The following NR2E1 variants were observed in gnomAD, a reference collection of about 807,000 sequenced individuals.
NR2E1 encodes nuclear receptor subfamily 2 group E member 1.
NR2E1 carries 5 observed loss-of-function variants against 43.6 expected under a neutral mutation model. The observed-to-expected ratio is 0.11, with a 90% CI of 0.06 to 0.24. The LOEUF (loss-of-function observed/expected upper bound fraction) is 0.24, where lower values mean the gene tolerates loss of function less well. NR2E1 is among the 10% of genes least tolerant of loss of function. The probability of loss-of-function intolerance (pLI) is 1.00; values close to 1 mark genes in which losing one functional copy is unlikely to be tolerated. For missense variants in NR2E1, 287 were observed against 496.7 expected (o/e 0.58, Z 4.01); for synonymous variants, 191 against 195.5 (o/e 0.98, Z 0.19).
chr6:108,166,928 C>T lies in NR2E1; in HGVS notation c.25+138C>T. ...ATTCCAGCGGGCGTGTGCGTTCGGC[C>T]CAGACCTGTAGACCGTGAGTTGGAG... On this transcript the variant is annotated intron_variant, in intron 1 of 8. Coordinates refer to ENST00000368986, the MANE Select transcript of NR2E1 (RefSeq NM_003269.5). This position sits in a 1 kb window ranked among gnomAD's most constrained non-coding sequence, Gnocchi z 7.2. The T allele has an allele frequency of 1.1e-6, 1 of 934,266 alleles. No homozygotes were observed. Among genetic ancestry groups the T allele is most frequent in the Non-Finnish European group, 1.7e-6 (1 of 602,720 alleles). 57.9% of individuals were successfully genotyped at this position (934,266 alleles called of 1,614,324 possible). A position where few individuals can be genotyped will look rare whatever the true frequency, so the allele number is the denominator to read the frequency against.
rs187895357 is a variant in NR2E1, at chr6:108,180,306, C to T, written c.643-17C>T. The T allele has an allele frequency of 2.1e-6, 3 of 1,444,492 alleles. No individual in the cohort carries two copies. Among genetic ancestry groups the T allele is most frequent in the South Asian group, 1.1e-5 (1 of 87,546 alleles). 89.5% of individuals were successfully genotyped at this position (1,444,492 alleles called of 1,614,324 possible). ...AAATTACACACTATATTATATTATA[C>T]ATCTATTGTATGACAGCTGATGCTT... On this transcript the variant is annotated splice_polypyrimidine_tract_variant and intron_variant, in intron 5 of 8. Coordinates refer to ENST00000368986, the MANE Select transcript of NR2E1 (RefSeq NM_003269.5). The surrounding 1 kb of genome is among the most constrained non-coding windows in gnomAD (Gnocchi z 5.4).
Position 108,181,627 on chromosome 6 carries a change from C to G in NR2E1, c.971C>G (p.Thr324Arg). 1 of 1,614,160 alleles carries G rather than the reference C, an allele frequency of 6.2e-7. No individual in the cohort carries two copies. Among genetic ancestry groups the G allele is most frequent in the South Asian group, 1.1e-5 (1 of 91,082 alleles). The change falls in exon 8 of 9, where the codon ACG becomes AGG. Residue 324 changes from threonine (T) to arginine (R), a missense_variant. Thr to Arg is a moderately conservative substitution (Grantham distance 71). Transcript: ENST00000368986. The part of the protein sequence containing the change: ...IAALQDEAQL[T>R]LNSYIHTRYP... ...GCCCTTCAAGATGAGGCTCAGCTAA[C>G]GCTCAACAGCTACATCCATACCAGG...
intron 1 of NR2E1, 135 bp from the exon 2 acceptor site, chr6:108,171,323 C>T (rs1582442156): frequency 4.2e-6 from 4 of 963,342 alleles, no homozygotes; most frequent in East Asian, 4.8e-5. Context: ...TTGCTTTTAC[C>T]GCAGCTTCGG....
chr6:108,177,517 G>T (rs1773919454), intron 4 of NR2E1, among the ~76,000 whole-genome samples: 1 of 152,178 alleles, frequency 6.6e-6, no homozygotes, highest in Non-Finnish European at 1.5e-5. Context: ...CAGACACCTG[G>T]GCACATGCAC....
chr6:108,166,921 G>A lies in NR2E1; in HGVS notation c.25+131G>A. ...GAGAGGGATTCCAGCGGGCGTGTGC[G>A]TTCGGCCCAGACCTGTAGACCGTGA... is the stretch of plus-strand genomic sequence containing the variant. On this transcript the variant is annotated intron_variant, in intron 1 of 8. Transcript: ENST00000368986. The surrounding 1 kb of genome is among the most constrained non-coding windows in gnomAD (Gnocchi z 7.2). 1.0e-6 allele frequency: 1 copy of A among 971,326 alleles called. No homozygotes were observed. The highest frequency in any genetic ancestry group is 1.6e-6 in the Non-Finnish European group (1 of 635,102). The allele number at this position is 971,326 out of a possible 1,614,324, so 60.2% of individuals were successfully genotyped here.
chr6:108,176,550 G>A lies in NR2E1; in HGVS notation c.307G>A (p.Val103Met). Residue 103 changes from valine (V) to methionine (M), a missense_variant, in exon 4 of 9, where the codon GTG (valine) becomes ATG (methionine). Coordinates refer to ENST00000368986, the MANE Select transcript of NR2E1 (RefSeq NM_003269.5). ...TCGGACGTCCACCATCCGCAAGCAA[G>A]TGGCCCTCTACTTCCGTGGACACAA... ...GPRTSTIRKQ[V>M]ALYFRGHKEE... is the part of the protein sequence containing the mutation. 2 of 1,613,252 alleles carry A rather than the reference G, an allele frequency of 1.2e-6. No individual in the cohort carries two copies. Among genetic ancestry groups the A allele is most frequent in the African/African-American group, 1.3e-5 (1 of 75,078 alleles).
chr6:108,177,118 G>A (rs947332059), intron 4 of NR2E1, among the ~76,000 whole-genome samples: 1 of 152,210 alleles, frequency 6.6e-6, no homozygotes, highest in Non-Finnish European at 1.5e-5. Context: ...CTAAAGACCA[G>A]AAGAACCAAC....
In NR2E1 at chr6:108,180,580, G is replaced by A. The variant is rs1302263777; in HGVS notation, c.739+161G>A. Among the ~76,000 whole-genome samples, 2 of 152,102 alleles carry A rather than the reference G, an allele frequency of 1.3e-5. No individual in the cohort carries two copies. Among genetic ancestry groups the A allele is most frequent in the African/African-American group, 4.8e-5 (2 of 41,394 alleles). On this transcript the variant is annotated intron_variant, in intron 6 of 8. Transcript: ENST00000368986. This position sits in a 1 kb window ranked among gnomAD's most constrained non-coding sequence, Gnocchi z 5.4. ...TAAATGCAAATAATGTTGTTTTGTT[G>A]TATTCATGACTGCTTGCATTGTTAT...
Position 108,176,561 on chromosome 6 carries a change from C to T in NR2E1, c.318C>T (p.Tyr106=), listed in dbSNP as rs759582254. 12 of 1,613,206 alleles carry T rather than the reference C, an allele frequency of 7.4e-6. No homozygotes were observed. In the East Asian group the frequency reaches 2.7e-4, roughly 36 times the overall value. Residue 106 remains tyrosine (Y), a synonymous_variant, in exon 4 of 9, where the codon TAC becomes TAT. Coordinates refer to ENST00000368986, the MANE Select transcript of NR2E1 (RefSeq NM_003269.5). ...CCATCCGCAAGCAAGTGGCCCTCTA[C>T]TTCCGTGGACACAAGGAGGAGAACG... ...TSTIRKQVAL[Y]FRGHKEENGA... is the part of the protein sequence containing the mutation.
intron 1 of NR2E1, among the ~76,000 whole-genome samples, chr6:108,170,833 C>T (rs1021901709): frequency 6.6e-6 from 1 of 152,202 alleles, no homozygotes; most frequent in African/African-American, 2.4e-5. Context: ...GAAATAATTT[C>T]TCTAAAGCGA....
chr6:108,176,235 C>G (rs1457378976), intron 3 of NR2E1: 2 of 566,460 alleles, frequency 3.5e-6, no homozygotes, highest in Non-Finnish European at 6.3e-6. Context: ...GAGAACACAC[C>G]TGGTCTTACT....
chr6:108,173,625 C>G (rs920143762), intron 2 of NR2E1, among the ~76,000 whole-genome samples: 1 of 152,184 alleles, frequency 6.6e-6, no homozygotes, highest in African/African-American at 2.4e-5. Flanking sequence ...AACATACTTA[C>G]TCCAACTCCA....
chr6:108,176,624 G>A lies in NR2E1; in HGVS notation c.381G>A (p.Ala127=), dbSNP rs780893199. The change falls in exon 4 of 9, where the codon GCG becomes GCA. Residue 127 remains alanine, a synonymous_variant. Coordinates refer to ENST00000368986, the MANE Select transcript of NR2E1 (RefSeq NM_003269.5). The part of the protein sequence containing the change: ...AAHFPSAALP[A]PAFFTAVTQL... ...ACTTTCCCTCGGCGGCGCTCCCTGC[G>A]CCGGCCTTCTTCACCGCGGTCACGC... 2.5e-6 allele frequency: 4 copies of A among 1,611,278 alleles called. No homozygotes were observed. In the South Asian group the frequency reaches 3.3e-5, roughly 13 times the overall value.
At chr6:108,182,563 T>TC (rs1404177189) in intron 8 of NR2E1, among the ~76,000 whole-genome samples, 1 of 149,514 alleles carries the variant, frequency 6.7e-6, no homozygotes, top group East Asian at 2.0e-4. Flanking sequence ...TAATTTTTTT[T>TC]TTTTTTTTTT....
chr6:108,176,415 C>A, intron 3 of NR2E1, 88 bp from the exon 4 acceptor site: 1 of 1,359,944 alleles, frequency 7.4e-7, no homozygotes. Context: ...CCAGACTTGA[C>A]ATTGGGGCGG....
intron 7 of NR2E1, among the ~76,000 whole-genome samples, chr6:108,181,177 T>C (rs1773979548): frequency 6.6e-6 from 1 of 152,104 alleles, no homozygotes; most frequent in Admixed American, 6.6e-5. Flanking sequence ...ATTTCTTTTT[T>C]TCTTTCTTTT....
rs574708385 is a variant in NR2E1 at position 108,187,681 on chromosome 6, G to T, written c.*218G>T. 6 of 534,686 alleles carry T rather than the reference G, an allele frequency of 1.1e-5. No homozygotes were observed. The highest frequency in any genetic ancestry group is 3.0e-5 in the Admixed American group (1 of 33,024). The allele number at this position is 534,686 out of a possible 1,614,324, so 33.1% of individuals were successfully genotyped here. A position where few individuals can be genotyped will look rare whatever the true frequency, so the allele number is the denominator to read the frequency against. On this transcript the variant is annotated 3_prime_UTR_variant, in exon 9 of 9. Transcript: ENST00000368986. ...GGAAGGAGAGGGGTGCAACAGGACCGCCTGCACTGAAAACTCACTGCTGCC... is the reference window on the plus strand; with the variant it reads ...GGAAGGAGAGGGGTGCAACAGGACCTCCTGCACTGAAAACTCACTGCTGCC...
At chr6:108,183,748 G>A (rs1774030594) in intron 8 of NR2E1, among the ~76,000 whole-genome samples, 1 of 152,170 alleles carries the variant, frequency 6.6e-6, no homozygotes, top group Non-Finnish European at 1.5e-5. Context: ...CTGAAACTAT[G>A]TTGACAGATA....
chr6:108,180,657 A>G lies in NR2E1; in HGVS notation c.740-150A>G, dbSNP rs944333113. 18 of 801,718 alleles carry G rather than the reference A, an allele frequency of 2.2e-5. No homozygotes were observed. In the African/African-American group the frequency reaches 2.9e-4, roughly 13 times the overall value. The allele number at this position is 801,718 out of a possible 1,614,324, so 49.7% of individuals were successfully genotyped here. A position where few individuals can be genotyped will look rare whatever the true frequency, so the allele number is the denominator to read the frequency against. ...TCATCCAAGAGAAGATTTTATATTA[A>G]CTTTCATACAATATAGCCGGTTTAC... is the stretch of plus-strand genomic sequence containing the variant. On this transcript the variant is annotated intron_variant, in intron 6 of 8. Coordinates refer to ENST00000368986, the MANE Select transcript of NR2E1 (RefSeq NM_003269.5). The surrounding 1 kb of genome is among the most constrained non-coding windows in gnomAD (Gnocchi z 5.4).
Sources: allele counts gnomAD v4.1 joint callset (sites outside exome capture counted in the v4.1 genomes callset), GRCh38; gene constraint gnomAD v4.1.1; non-coding constraint Gnocchi (gnomAD v3.1); transcripts MANE v1.5; gene names NCBI Gene and HGNC (gene_info 2026-07-23, HGNC 2026-07-21).